STX8: variants seen among roughly 807,000 people sequenced by gnomAD.
STX8 encodes the protein syntaxin-8.
STX8 carries 23 observed loss-of-function variants against 37.5 expected under a neutral mutation model. That is an observed-to-expected ratio of 0.61 (90% CI 0.44 to 0.87). The LOEUF (loss-of-function observed/expected upper bound fraction) is 0.87. Among genes scored for constraint, STX8 ranks in the 40% least tolerant of loss-of-function variants. The pLI is 0.00. For synonymous variants in STX8, 115 were observed against 99.1 expected (o/e 1.16, Z -0.95); for missense variants, 313 against 284.7 (o/e 1.10, Z -0.71).
intron 7 of STX8, among the ~76,000 whole-genome samples, chr17:9,276,117 C>T (rs1488370193): frequency 6.6e-6 from 1 of 152,054 alleles, no homozygotes; most frequent in Non-Finnish European, 1.5e-5. Flanking sequence ...TCCCACCCAT[C>T]AAGCCATAGG....
chr17:9,286,537 A>G (rs1237245750), intron 7 of STX8, among the ~76,000 whole-genome samples: 1 of 152,168 alleles, frequency 6.6e-6, no homozygotes, highest in African/African-American at 2.4e-5. Flanking sequence ...ATTTCACCTC[A>G]ATACATCTTT....
At chr17:9,443,989 G>A (rs998763952) in intron 6 of STX8, among the ~76,000 whole-genome samples, 15 of 152,054 alleles carry the variant, frequency 9.9e-5, no homozygotes, top group Non-Finnish European at 1.9e-4. Context: ...GTGACACGAC[G>A]AATGATTTCT....
chr17:9,285,637 G>A (rs1258679201), intron 7 of STX8, among the ~76,000 whole-genome samples: 1 of 152,110 alleles, frequency 6.6e-6, no homozygotes, highest in African/African-American at 2.4e-5. Flanking sequence ...ATCCAAGCCT[G>A]GTAGTCCCAA....
chr17:9,340,284 A>G (rs1597613835), intron 7 of STX8, among the ~76,000 whole-genome samples: 1 of 152,214 alleles, frequency 6.6e-6, no homozygotes, highest in African/African-American at 2.4e-5. Context: ...TTTCCCCAAC[A>G]TGCAGACTCT....
In STX8 at chr17:9,452,899, G is replaced by A. The variant is rs550226459; in HGVS notation, c.541+38930C>T. Among the ~76,000 whole-genome samples the A allele has an allele frequency of 2.6e-4, 40 of 151,744 alleles. 1 individual carries two copies. The highest frequency in any genetic ancestry group is 8.9e-4 in the African/African-American group (37 of 41,350). ...TCGGCTCACTGCAACCCTGCCTCCCGGGTTCAAGCTATTCTCTTGCCTCAA... is the reference window on the plus strand; with the variant it reads ...TCGGCTCACTGCAACCCTGCCTCCCAGGTTCAAGCTATTCTCTTGCCTCAA... On this transcript the variant is annotated intron_variant, in intron 6 of 7. Coordinates refer to ENST00000306357, the MANE Select transcript of STX8 (RefSeq NM_004853.3).
At chr17:9,497,871 A>G (rs1268145185) in intron 5 of STX8, among the ~76,000 whole-genome samples, 1 of 152,216 alleles carries the variant, frequency 6.6e-6, no homozygotes, top group Non-Finnish European at 1.5e-5. Flanking sequence ...AAATCAATGA[A>G]TGACCACAGA....
intron 3 of STX8, chr17:9,556,788 TATATATACACATAC>T (rs1309796123): frequency 2.0e-4 from 4 of 19,558 alleles, no homozygotes; most frequent in African/African-American, 6.0e-4. Flanking sequence ...TATATATATA[TATATATACACATAC>T]ATATATATAT....
intron 4 of STX8, among the ~76,000 whole-genome samples, chr17:9,505,941 CAAAAAA>C (rs11311287): frequency 9.8e-6 from 1 of 101,570 alleles, no homozygotes. Context: ...GACTCTGTCT[CAAAAAA>C]AAAAAAAAAA....
At chr17:9,383,850 T>A (rs1911901245) in intron 6 of STX8, among the ~76,000 whole-genome samples, 1 of 152,034 alleles carries the variant, frequency 6.6e-6, no homozygotes, top group Non-Finnish European at 1.5e-5. Flanking sequence ...AGTAAAAAAA[T>A]CCATTATAAC....
chr17:9,299,724 G>A (rs1908699141), intron 7 of STX8, among the ~76,000 whole-genome samples: 1 of 152,122 alleles, frequency 6.6e-6, no homozygotes, highest in Non-Finnish European at 1.5e-5. Context: ...TTACAGGTGT[G>A]AGCCACCGTG....
At chr17:9,546,619 G>A (rs1906538342) in intron 3 of STX8, among the ~76,000 whole-genome samples, 1 of 8,968 alleles carries the variant, frequency 1.1e-4, no homozygotes, top group African/African-American at 2.9e-4. Context: ...TTTTTTTGGA[G>A]ACGGAGCCTT....
chr17:9,347,603 G>A (rs1597617703), intron 7 of STX8, among the ~76,000 whole-genome samples: 1 of 152,052 alleles, frequency 6.6e-6, no homozygotes, highest in South Asian at 2.1e-4. Context: ...GCAAAACTCT[G>A]CCTCCCAGGT....
chr17:9,571,920 TA>T (rs113450742), intron 1 of STX8, among the ~76,000 whole-genome samples: 324 of 137,508 alleles, frequency 2.4e-3, no homozygotes, highest in Middle Eastern at 0.019. Context: ...ATCTCAAAAT[TA>T]AAAAAAAAAA....
At position 9,300,435 on chromosome 17, in the gene STX8, A is replaced by G. The variant is rs180979381; in HGVS notation, c.644-49790T>C. ...GACCTCCCCAAATCACAATTATGGT[A>G]AACTCCCCTCCCCCTTTTATTTTGC... On this transcript the variant is annotated intron_variant, in intron 7 of 7. Transcript: ENST00000306357. Among the ~76,000 whole-genome samples the G allele has an allele frequency of 1.7e-3, 255 of 152,130 alleles. 2 individuals are homozygous for G. Among genetic ancestry groups the G allele is most frequent in the African/African-American group, 5.6e-3 (232 of 41,532 alleles).
chr17:9,269,880 A>C (rs189551079), intron 7 of STX8, among the ~76,000 whole-genome samples: 14 of 152,324 alleles, frequency 9.2e-5, no homozygotes, highest in Admixed American at 5.9e-4. Flanking sequence ...CCTCAGCTTG[A>C]AAACACCCGC....
chr17:9,292,919 C>T (rs1304468678), intron 7 of STX8, among the ~76,000 whole-genome samples: 1 of 152,190 alleles, frequency 6.6e-6, no homozygotes, highest in Admixed American at 6.5e-5. Context: ...GCCTTACACC[C>T]AACCAGCAAG....
chr17:9,365,663 C>T lies in STX8; in HGVS notation c.643+12889G>A, dbSNP rs185506944. ...AAGGAAAAGAGAGCAGAGGACTGAG[C>T]CTTAAGTATTGTCCTCAAAAGACAG... On this transcript the variant is annotated intron_variant, in intron 7 of 7. Transcript: ENST00000306357. Among the ~76,000 whole-genome samples, 87 of 152,276 alleles carry T rather than the reference C, an allele frequency of 5.7e-4. 2 individuals carry two copies. Among genetic ancestry groups the T allele is most frequent in the Non-Finnish European group, 1.0e-3 (70 of 68,014 alleles).
chr17:9,525,382 C>T (rs573228769), intron 4 of STX8, among the ~76,000 whole-genome samples: 29 of 151,014 alleles, frequency 1.9e-4, no homozygotes, highest in East Asian at 5.9e-4. Flanking sequence ...AGTCTCACTC[C>T]GTTGCCCAGG....
chr17:9,324,086 CCTCT>C (rs149631075), intron 7 of STX8, among the ~76,000 whole-genome samples: 255 of 144,076 alleles, frequency 1.8e-3, no homozygotes, highest in African/African-American at 5.0e-3. Flanking sequence ...TCAGGGCATC[CCTCT>C]CTCTCTCTCT....
Sources: allele counts gnomAD v4.1 joint callset (sites outside exome capture counted in the v4.1 genomes callset), GRCh38; gene constraint gnomAD v4.1.1; transcripts MANE v1.5; gene names NCBI Gene and HGNC (gene_info 2026-07-23, HGNC 2026-07-21).